The following KLF12 variants were observed in gnomAD, a reference collection of about 807,000 sequenced individuals.
The protein encoded by KLF12 is KLF transcription factor 12, also known as Krueppel-like factor 12.
In KLF12, 9 loss-of-function variants were observed where a neutral mutation model predicts 37.8. The ratio of observed to expected loss-of-function variants is 0.24; its 90% confidence interval spans 0.14 to 0.42. KLF12 has a LOEUF of 0.42. Ranked by LOEUF, KLF12 falls within the 10% of genes least tolerant of loss-of-function variation. KLF12 has a pLI of 1.00. For missense variants in KLF12, 411 were observed against 516.0 expected, an observed-to-expected ratio of 0.80 and a Z score of 1.97; for synonymous variants, 208 against 202.1, an observed-to-expected ratio of 1.03 and a Z score of -0.25.
chr13:74,060,457 CT>C (rs565835855), intron 1 of KLF12, among the ~76,000 whole-genome samples: 177 of 146,238 alleles, frequency 1.2e-3, no homozygotes, highest in African/African-American at 4.1e-3. Context: ...CATCTTTCGC[CT>C]CCGTGGTTAA....
At chr13:73,883,660 G>C (rs1218868072) in intron 3 of KLF12, among the ~76,000 whole-genome samples, 16 of 152,146 alleles carry the variant, frequency 1.1e-4, no homozygotes, top group Admixed American at 9.2e-4. Context: ...GTAAAGCAAA[G>C]ATACATCCAT....
upstream of KLF12, among the ~76,000 whole-genome samples, chr13:74,138,858 C>A (rs1049214221): frequency 7.2e-5 from 11 of 152,200 alleles, no homozygotes; most frequent in African/African-American, 2.4e-4. Flanking sequence ...GGCCCCACTT[C>A]CATATTCATA....
chr13:73,800,855 A>G (rs1169744080), intron 5 of KLF12: 1 of 152,156 alleles, frequency 6.6e-6, no homozygotes, highest in Admixed American at 6.5e-5. Context: ...GTAAAAGTTT[A>G]GAATTCCTTT....
rs79907991 is a variant in KLF12, at chr13:73,859,520, A to G, written c.124-13147T>C. On this transcript the variant is annotated intron_variant, in intron 3 of 7. Coordinates refer to ENST00000377669, the MANE Select transcript of KLF12 (RefSeq NM_007249.5). ...GTGCAATTAGTACGTGGAAATACCA[A>G]CTGAAGAGAATATAAAATAATGGGC... Among the ~76,000 whole-genome samples the G allele has an allele frequency of 7.5e-3, 1,137 of 152,324 alleles. 13 individuals are homozygous for G. Among genetic ancestry groups the G allele is most frequent in the African/African-American group, 0.025 (1,032 of 41,574 alleles).
the KLF12 span, among the ~76,000 whole-genome samples, chr13:74,208,150 A>G: frequency 2.0e-5 from 3 of 152,226 alleles, no homozygotes; most frequent in Non-Finnish European, 4.4e-5. Flanking sequence ...GTCAAAAGGT[A>G]TGAAACATTG....
At chr13:73,838,082 T>C (rs1884536452) in intron 4 of KLF12, among the ~76,000 whole-genome samples, 1 of 152,068 alleles carries the variant, frequency 6.6e-6, no homozygotes, top group Non-Finnish European at 1.5e-5. Context: ...AGAAAATTAG[T>C]GAAACAAAGA....
At chr13:73,918,132 G>C (rs900983852) in intron 3 of KLF12, among the ~76,000 whole-genome samples, 1 of 151,958 alleles carries the variant, frequency 6.6e-6, no homozygotes, top group African/African-American at 2.4e-5. Context: ...CAGAGAGAGA[G>C]AGAGAGATGT....
intron 1 of KLF12, among the ~76,000 whole-genome samples, chr13:74,021,905 A>G (rs1243382098): frequency 6.6e-6 from 1 of 152,180 alleles, no homozygotes; most frequent in Non-Finnish European, 1.5e-5. Context: ...CTCAGAACCA[A>G]TCTTAAAGAA....
chr13:74,183,218 T>A, the KLF12 span, among the ~76,000 whole-genome samples: 1 of 152,174 alleles, frequency 6.6e-6, no homozygotes, highest in Admixed American at 6.5e-5. Flanking sequence ...ATATGGTTCA[T>A]GTCTTCAGAA....
the KLF12 span, among the ~76,000 whole-genome samples, chr13:74,182,136 C>T: frequency 1.3e-5 from 2 of 152,144 alleles, no homozygotes; most frequent in Non-Finnish European, 2.9e-5. Context: ...ATTGTTCAAG[C>T]TGGGTGATGA....
intron 5 of KLF12, among the ~76,000 whole-genome samples, chr13:73,785,609 A>AT (rs537464774): frequency 0.038 from 5,519 of 143,608 alleles, 209 homozygotes; most frequent in African/African-American, 0.1. Flanking sequence ...ATCTCTGCCC[A>AT]TTTTTTTTTT....
intron 5 of KLF12, among the ~76,000 whole-genome samples, chr13:73,772,334 T>A (rs1880321566): frequency 6.6e-6 from 1 of 152,222 alleles, no homozygotes; most frequent in African/African-American, 2.4e-5. Context: ...AGTTCCTGAC[T>A]TGAAGAAGCC....
intron 1 of KLF12, among the ~76,000 whole-genome samples, chr13:74,041,308 G>A (rs1029431880): frequency 6.6e-6 from 1 of 152,190 alleles, no homozygotes; most frequent in Non-Finnish European, 1.5e-5. Context: ...AGTTTCTCAT[G>A]TAGGTATTTA....
chr13:73,708,188 A>G (rs1323670198), intron 7 of KLF12, among the ~76,000 whole-genome samples: 1 of 152,200 alleles, frequency 6.6e-6, no homozygotes, highest in Non-Finnish European at 1.5e-5. Flanking sequence ...AGATATGAAT[A>G]ATTCCTAAGA....
At chr13:73,898,781 T>G (rs553829399) in intron 3 of KLF12, among the ~76,000 whole-genome samples, 1 of 152,180 alleles carries the variant, frequency 6.6e-6, no homozygotes, top group Non-Finnish European at 1.5e-5. Flanking sequence ...ACAATACTCC[T>G]TATTGATTAT....
intron 4 of KLF12, among the ~76,000 whole-genome samples, chr13:73,834,143 C>T (rs1482016246): frequency 6.7e-6 from 1 of 149,804 alleles, no homozygotes; most frequent in African/African-American, 2.5e-5. Context: ...ACACCTCCTC[C>T]CCCCACCACA....
chr13:73,810,349 C>T (rs1222508393), intron 5 of KLF12, among the ~76,000 whole-genome samples: 1 of 152,070 alleles, frequency 6.6e-6, no homozygotes. Flanking sequence ...ATAATATGCA[C>T]GTATTAAAAG....
chr13:74,185,236 T>A, the KLF12 span, among the ~76,000 whole-genome samples: 1 of 152,222 alleles, frequency 6.6e-6, no homozygotes, highest in Non-Finnish European at 1.5e-5. Context: ...CAATTAATAA[T>A]ATTTTTAAAA....
At chr13:73,746,404 A>G (rs1005659372) in intron 6 of KLF12, among the ~76,000 whole-genome samples, 12 of 152,230 alleles carry the variant, frequency 7.9e-5, no homozygotes, top group African/African-American at 2.9e-4. Flanking sequence ...GTTAACACAC[A>G]GCCGCAACAT....
Sources: gnomAD v4.1 joint callset for allele counts (sites outside exome capture counted in the v4.1 genomes callset) on GRCh38, gnomAD v4.1.1 for gene constraint, MANE v1.5 for transcripts, NCBI Gene and HGNC (gene_info 2026-07-23, HGNC 2026-07-21) for gene names.